Variants in PBX4 observed in about 807,000 individuals in gnomAD.
PBX4 encodes the protein pre-B-cell leukemia transcription factor 4.
A neutral mutation model predicts 35.1 loss-of-function variants in PBX4; 26 were observed. The observed-to-expected ratio is 0.74, with a 90% CI of 0.54 to 1.03. The LOEUF is 1.03. Ranked by LOEUF, PBX4 falls within the 50% of genes least tolerant of loss-of-function variation. The pLI, the probability that PBX4 is intolerant of heterozygous loss-of-function variation, is 0.00. For missense variants in PBX4, 448 were observed against 504.3 expected (o/e 0.89, Z 1.07); for synonymous variants, 199 against 204.2 (o/e 0.97, Z 0.22).
chr19:19,573,950 G>C (rs12977565), intron 2 of PBX4, among the ~76,000 whole-genome samples: 1 of 152,080 alleles, frequency 6.6e-6, no homozygotes, highest in African/African-American at 2.4e-5. Flanking sequence ...GGCTAATCTC[G>C]AATTCCTGAC....
At chr19:19,578,355 T>C (rs10412176) in intron 2 of PBX4, among the ~76,000 whole-genome samples, 129,752 of 152,196 alleles carry the variant, frequency 0.85, 55,688 homozygotes, top group East Asian at 1. Context: ...TACAACAGCT[T>C]CCTCAGCACC....
intron 2 of PBX4, among the ~76,000 whole-genome samples, chr19:19,585,928 G>A (rs773189399): frequency 6.6e-6 from 1 of 152,216 alleles, no homozygotes; most frequent in East Asian, 1.9e-4. Context: ...AAACAGCCAT[G>A]TTGCTCACAG....
chr19:19,564,923 C>T lies in PBX4; in HGVS notation c.925+10G>A. On this transcript the variant is annotated intron_variant, in intron 6 of 7. Transcript: ENST00000251203. ...GTACAGATGACTGTCCCTGGGCCAG[C>T]CTCACTCACCGGAGCTAGGTGTTGA... 8 of 1,614,214 alleles carry T rather than the reference C, an allele frequency of 5.0e-6. No homozygotes were observed. The highest frequency in any genetic ancestry group is 6.8e-6 in the Non-Finnish European group (8 of 1,180,026).
In PBX4 at chr19:19,595,360, T is replaced by C. The variant is rs1173575726; in HGVS notation, c.193+3932A>G. On this transcript the variant is annotated intron_variant, in intron 2 of 7. Transcript: ENST00000251203. ...AGCGGCTTCCCTCAGCCTGCAGTAC[T>C]TGGGGCTCATTCGGGTACAGGGCCC... Among the ~76,000 whole-genome samples the C allele has an allele frequency of 2.6e-5, 4 of 152,312 alleles. No homozygotes were observed. In the East Asian group the frequency reaches 7.7e-4, roughly 29 times the overall value.
At chr19:19,580,863 G>T (rs2061449619) in intron 2 of PBX4, among the ~76,000 whole-genome samples, 1 of 152,252 alleles carries the variant, frequency 6.6e-6, no homozygotes, top group Non-Finnish European at 1.5e-5. Context: ...CTCCTGAGTA[G>T]CTGGGACTAC....
At chr19:19,581,653 G>T (rs972829045) in intron 2 of PBX4, among the ~76,000 whole-genome samples, 1 of 152,172 alleles carries the variant, frequency 6.6e-6, no homozygotes, top group Non-Finnish European at 1.5e-5. Flanking sequence ...GGAGACAAAG[G>T]CCACGCTGCA....
At chr19:19,618,178 T>G (rs1285328252) in intron 1 of PBX4, among the ~76,000 whole-genome samples, 15 of 151,680 alleles carry the variant, frequency 9.9e-5, no homozygotes, top group Non-Finnish European at 1.5e-5. Flanking sequence ...CAAAAAAACT[T>G]CCAGCCGCAG....
intron 1 of PBX4, among the ~76,000 whole-genome samples, chr19:19,604,384 A>T (rs79731925): frequency 0.015 from 2,170 of 141,652 alleles, 71 homozygotes; most frequent in Admixed American, 0.079. Flanking sequence ...CAAGAATTAC[A>T]TAAATTCAGG....
chr19:19,571,020 G>A, intron 2 of PBX4, 187 bp from the exon 3 acceptor site: 1 of 771,332 alleles, frequency 1.3e-6, no homozygotes, highest in Non-Finnish European at 2.0e-6. Flanking sequence ...ATGGGTCCAA[G>A]TGCCATCCTT....
chr19:19,600,768 G>A (rs2144773526), intron 1 of PBX4, among the ~76,000 whole-genome samples: 1 of 136,808 alleles, frequency 7.3e-6, no homozygotes, highest in East Asian at 2.1e-4. Flanking sequence ...AGTGAGCTGA[G>A]ATCGCACCAG....
chr19:19,577,903 C>A (rs1023782402), intron 2 of PBX4, among the ~76,000 whole-genome samples: 1 of 149,066 alleles, frequency 6.7e-6, no homozygotes, highest in African/African-American at 2.5e-5. Context: ...TGAGGCTGGG[C>A]AAGGTGGCTC....
At chr19:19,598,337 GCCC>G (rs1343423105) in intron 2 of PBX4, among the ~76,000 whole-genome samples, 1 of 102,984 alleles carries the variant, frequency 9.7e-6, no homozygotes, top group Non-Finnish European at 1.8e-5. Context: ...TACTCTTCTT[GCCC>G]AGGCTGGAGT....
rs1400621279 is a variant in PBX4, at chr19:19,563,433, G to C, written c.1032+76C>G. The stretch of plus-strand genomic sequence containing the variant: ...TCTGGGGAAGCTGCCCCAAGGCCGA[G>C]GGGTGGCTGACAAGACGACCCTTTC... On this transcript the variant is annotated intron_variant, in intron 7 of 7. Coordinates refer to ENST00000251203, the MANE Select transcript of PBX4 (RefSeq NM_025245.3). The surrounding 1 kb of genome is among the most constrained non-coding windows in gnomAD (Gnocchi z 5.1). The C allele has an allele frequency of 8.2e-7, 1 of 1,221,672 alleles. No homozygotes were observed. Among genetic ancestry groups the C allele is most frequent in the Non-Finnish European group, 1.1e-6 (1 of 880,440 alleles). The allele number at this position is 1,221,672 out of a possible 1,614,324, so 75.7% of individuals were successfully genotyped here. A position where few individuals can be genotyped will look rare whatever the true frequency, so the allele number is the denominator to read the frequency against.
At chr19:19,598,245 G>C (rs2061572048) in intron 2 of PBX4, among the ~76,000 whole-genome samples, 1 of 151,540 alleles carries the variant, frequency 6.6e-6, no homozygotes, top group African/African-American at 2.4e-5. Flanking sequence ...CGGAGAAGGA[G>C]ATACGAGAAC....
At chr19:19,608,459 C>A (rs1413140037) in intron 1 of PBX4, 2 of 152,234 alleles carry the variant, frequency 1.3e-5, no homozygotes, top group African/African-American at 2.4e-5. Flanking sequence ...AGGACAAATA[C>A]CTTAGAAAGG....
At chr19:19,581,278 A>G (rs568485416) in intron 2 of PBX4, among the ~76,000 whole-genome samples, 104 of 152,108 alleles carry the variant, frequency 6.8e-4, no homozygotes, top group Non-Finnish European at 1.1e-3. Context: ...TCTGTTTTAC[A>G]TGGCCACCAT....
At chr19:19,601,904 C>T (rs535319193) in intron 1 of PBX4, among the ~76,000 whole-genome samples, 15 of 151,958 alleles carry the variant, frequency 9.9e-5, no homozygotes, top group African/African-American at 3.6e-4. Context: ...TTTGGGAGGC[C>T]GAGGCAGGCA....
chr19:19,608,037 C>T (rs1055008335), intron 1 of PBX4: 1 of 152,136 alleles, frequency 6.6e-6, no homozygotes, highest in Non-Finnish European at 1.5e-5. Flanking sequence ...AAATTTAGAA[C>T]TTATGTTCCC....
chr19:19,607,539 G>A (rs768942206), intron 1 of PBX4, among the ~76,000 whole-genome samples: 1 of 152,114 alleles, frequency 6.6e-6, no homozygotes, highest in African/African-American at 2.4e-5. Context: ...AAACAATTGA[G>A]AGTCATATAG....
Sources: gnomAD v4.1 joint callset for allele counts (sites outside exome capture counted in the v4.1 genomes callset) on GRCh38, gnomAD v4.1.1 for gene constraint, Gnocchi (gnomAD v3.1) non-coding constraint, MANE v1.5 for transcripts, NCBI Gene and HGNC (gene_info 2026-07-23, HGNC 2026-07-21) for gene names.